The following NOSTRIN variants were observed in gnomAD, a reference collection of about 807,000 sequenced individuals.
NOSTRIN encodes the protein nitric oxide synthase trafficking.
A neutral mutation model predicts 59.0 loss-of-function variants in NOSTRIN; 63 were observed. That is an observed-to-expected ratio of 1.07 (90% CI 0.87 to 1.32). The LOEUF (loss-of-function observed/expected upper bound fraction) is 1.32. Ranked by LOEUF, NOSTRIN falls within the 40% of genes most tolerant of loss-of-function variation. The pLI is 0.00. For missense variants in NOSTRIN, 512 were observed against 473.1 expected, an observed-to-expected ratio of 1.08 and a Z score of -0.76; for synonymous variants, 200 against 165.4, an observed-to-expected ratio of 1.21 and a Z score of -1.61.
chr2:168,798,824 T>TAGATAGAC (rs10626753), upstream of NOSTRIN, among the ~76,000 whole-genome samples: 92,194 of 150,352 alleles, frequency 0.61, 30,501 homozygotes, highest in East Asian at 0.86. Context: ...GATAGATAGA[T>TAGATAGAC]AGACAGACAG....
intron 12 of NOSTRIN, among the ~76,000 whole-genome samples, chr2:168,857,995 G>A (rs1370467146): frequency 1.3e-5 from 2 of 152,154 alleles, no homozygotes. Flanking sequence ...GGTAACAGAG[G>A]TCTAACATAC....
At chr2:168,790,261 G>T (rs1380126218) in intron 2 of NOSTRIN, among the ~76,000 whole-genome samples, 2 of 152,076 alleles carry the variant, frequency 1.3e-5, no homozygotes, top group Non-Finnish European at 2.9e-5. Context: ...GAATAAAATG[G>T]GAAACTATGA....
intron 7 of NOSTRIN, among the ~76,000 whole-genome samples, chr2:168,835,785 T>C (rs954078211): frequency 3.3e-5 from 5 of 152,162 alleles, no homozygotes; most frequent in Admixed American, 2.0e-4. Flanking sequence ...TGAGCACCAG[T>C]GTAGACTCAT....
At chr2:168,790,426 T>C (rs954772081) in intron 2 of NOSTRIN, among the ~76,000 whole-genome samples, 46 of 152,198 alleles carry the variant, frequency 3.0e-4, no homozygotes, top group African/African-American at 1.1e-3. Flanking sequence ...GACACCATCC[T>C]AATCAGGTGA....
chr2:168,810,039 T>C (rs73969961), intron 1 of NOSTRIN, among the ~76,000 whole-genome samples: 2,437 of 152,234 alleles, frequency 0.016, 62 homozygotes, highest in African/African-American at 0.055. Context: ...AGATCTGGCT[T>C]TCCTGGGCCA....
At chr2:168,818,065 G>A (rs889048600) in intron 2 of NOSTRIN, 6 of 163,444 alleles carry the variant, frequency 3.7e-5, no homozygotes, top group African/African-American at 1.4e-4. Context: ...AAGAATTTGA[G>A]GTTATTAAAA....
intron 2 of NOSTRIN, among the ~76,000 whole-genome samples, chr2:168,820,712 G>T (rs1686684837): frequency 1.4e-5 from 1 of 70,680 alleles, no homozygotes; most frequent in South Asian, 7.5e-4. Flanking sequence ...CAGGAGAAAA[G>T]CTGGCCAAAA....
chr2:168,805,513 C>T lies in NOSTRIN; in HGVS notation c.27+2840C>T, dbSNP rs538315200. On this transcript the variant is annotated intron_variant, in intron 1 of 15. Transcript: ENST00000317647. Reference sequence around the variant, plus strand: ...CCAATTATCTCTAAGGGAAAGAATCCAATCATAAGAAAGTATTAATAGCAC... The same window carrying T: ...CCAATTATCTCTAAGGGAAAGAATCTAATCATAAGAAAGTATTAATAGCAC... Among the ~76,000 whole-genome samples, 3 of 152,256 alleles carry T rather than the reference C, an allele frequency of 2.0e-5. No individual in the cohort carries two copies. In the South Asian group the frequency reaches 6.2e-4, roughly 32 times the overall value.
At position 168,789,117 on chromosome 2, in the gene NOSTRIN, A is replaced by G. The variant is rs370560850; in HGVS notation, c.-473+1069A>G. On this transcript the variant is annotated intron_variant, in intron 2 of 20. Coordinates refer to the NOSTRIN transcript ENST00000458381. ...AACCAAGAGGTGGGCAGGGAAAGCAAAGGCTGGGTGTGGAACATCTTTTTG... is the reference window on the plus strand; with the variant it reads ...AACCAAGAGGTGGGCAGGGAAAGCAGAGGCTGGGTGTGGAACATCTTTTTG... 6.6e-5 allele frequency among the ~76,000 whole-genome samples: 10 copies of G among 152,194 alleles called. No homozygotes were observed. In the East Asian group the frequency reaches 7.7e-4, roughly 12 times the overall value.
chr2:168,864,240 G>A (rs537892451), intron 15 of NOSTRIN, among the ~76,000 whole-genome samples: 5 of 150,776 alleles, frequency 3.3e-5, no homozygotes, highest in South Asian at 2.1e-4. Flanking sequence ...GCCTCCCAAC[G>A]TGCTGGGATT....
Position 168,847,727 on chromosome 2 carries a change from G to A in NOSTRIN, c.631-3357G>A, listed in dbSNP as rs528047499. 2.6e-5 allele frequency among the ~76,000 whole-genome samples: 4 copies of A among 152,274 alleles called. No individual in the cohort carries two copies. In the South Asian group the frequency reaches 8.3e-4, roughly 32 times the overall value. On this transcript the variant is annotated intron_variant, in intron 8 of 15. Transcript: ENST00000317647. ...ATATACTATTGTGGAACCTCAAGAG[G>A]ACAGTTTGAGGTCCTCCAGAGTATC...
chr2:168,835,976 A>G (rs1687694887), intron 7 of NOSTRIN, among the ~76,000 whole-genome samples: 1 of 152,252 alleles, frequency 6.6e-6, no homozygotes, highest in Non-Finnish European at 1.5e-5. Flanking sequence ...TCTACAAAAG[A>G]TGAGTCTCCA....
At chr2:168,863,582 T>C (rs1292081481) in intron 15 of NOSTRIN, 1 of 984,956 alleles carries the variant, frequency 1.0e-6, no homozygotes, top group Non-Finnish European at 1.2e-6. Flanking sequence ...AAAAATATTG[T>C]CTCCAAATTG....
At chr2:168,842,700 C>T (rs1388224206) in intron 7 of NOSTRIN, among the ~76,000 whole-genome samples, 1 of 152,162 alleles carries the variant, frequency 6.6e-6, no homozygotes, top group Non-Finnish European at 1.5e-5. Context: ...TGTTGTTTGA[C>T]CTTCTCCTTG....
chr2:168,793,671 G>GA (rs897051593), upstream of NOSTRIN, among the ~76,000 whole-genome samples: 2 of 152,062 alleles, frequency 1.3e-5, no homozygotes, highest in East Asian at 1.9e-4. Context: ...TATGTGGAGA[G>GA]AAAAAAGACC....
upstream of NOSTRIN, among the ~76,000 whole-genome samples, chr2:168,793,915 A>C (rs1685418911): frequency 6.6e-6 from 1 of 152,234 alleles, no homozygotes; most frequent in African/African-American, 2.4e-5. Flanking sequence ...ACTATCTCTT[A>C]CCAGCATTTT....
At chr2:168,788,750 GA>G (rs1559095527) in intron 2 of NOSTRIN, among the ~76,000 whole-genome samples, 1 of 152,154 alleles carries the variant, frequency 6.6e-6, no homozygotes. Flanking sequence ...AGAGAAAACC[GA>G]ATGAACTTAG....
chr2:168,837,300 CTTT>C (rs761309524), intron 7 of NOSTRIN, among the ~76,000 whole-genome samples: 27 of 62,166 alleles, frequency 4.3e-4, no homozygotes, highest in African/African-American at 7.1e-4. Flanking sequence ...TTTTTAACAT[CTTT>C]TTTTTTTTTT....
At chr2:168,843,185 G>A (rs776247588) in intron 8 of NOSTRIN, 68 bp downstream of exon 8, 40 of 809,884 alleles carry the variant, frequency 4.9e-5, no homozygotes, top group Non-Finnish European at 8.3e-5. Flanking sequence ...ATGGAGGTCA[G>A]ATTACAGTGA....
Sources: allele counts gnomAD v4.1 joint callset (sites outside exome capture counted in the v4.1 genomes callset), GRCh38; gene constraint gnomAD v4.1.1; transcripts MANE v1.5; gene names NCBI Gene and HGNC (gene_info 2026-07-23, HGNC 2026-07-21).